The following EPHB6 variants were observed in gnomAD, a reference collection of about 807,000 sequenced individuals.
EPHB6 encodes EPH receptor B6, also known as ephrin type-B receptor 6.
EPHB6 carries 51 observed loss-of-function variants against 107.0 expected under a neutral mutation model. That is an observed-to-expected ratio of 0.48 (90% CI 0.38 to 0.60). EPHB6 has a LOEUF of 0.60. Ranked by LOEUF, EPHB6 falls within the 20% of genes least tolerant of loss-of-function variation. The pLI, the probability that EPHB6 is intolerant of heterozygous loss-of-function variation, is 0.00. For synonymous variants in EPHB6, 553 were observed against 549.0 expected, an observed-to-expected ratio of 1.01 and a Z score of -0.10; for missense variants, 1,141 against 1,355.5, an observed-to-expected ratio of 0.84 and a Z score of 2.48.
Position 142,867,574 on chromosome 7 carries a change from G to A in EPHB6, c.1751-34G>A, listed in dbSNP as rs773638061. On this transcript the variant is annotated intron_variant, in intron 11 of 19. Coordinates refer to ENST00000652003, the MANE Select transcript of EPHB6 (RefSeq NM_004445.6). This position sits in a 1 kb window ranked among gnomAD's most constrained non-coding sequence, Gnocchi z 5.3. ...ATGAACAAGCACCTGTGAGAGACCT[G>A]GCCCACCTGTGACCCTGTCGGCTGG... 3 of 1,577,060 alleles carry A rather than the reference G, an allele frequency of 1.9e-6. No individual in the cohort carries two copies. In the African/African-American group the frequency reaches 4.0e-5, roughly 21 times the overall value.
rs1364616319 is a variant in EPHB6, at chr7:142,867,206, G to A, written c.1750+138G>A. The A allele has an allele frequency of 9.0e-7, 1 of 1,114,394 alleles. No homozygotes were observed. The highest frequency in any genetic ancestry group is 1.6e-5 in the African/African-American group (1 of 63,450). 69.0% of individuals were successfully genotyped at this position (1,114,394 alleles called of 1,614,324 possible). A position where few individuals can be genotyped will look rare whatever the true frequency, so the allele number is the denominator to read the frequency against. On this transcript the variant is annotated intron_variant, in intron 11 of 19. Transcript: ENST00000652003. This position sits in a 1 kb window ranked among gnomAD's most constrained non-coding sequence, Gnocchi z 5.3. The stretch of plus-strand genomic sequence containing the variant: ...TCTGTGGGAAAGGAGAGTGCCTTTT[G>A]CTCAGCAGCTGACCTAGGGGCTACT...
intron 6 of EPHB6, 46 bp downstream of exon 6, chr7:142,863,741 C>A (rs369658537): frequency 1.5e-5 from 24 of 1,596,520 alleles, no homozygotes; most frequent in Non-Finnish European, 2.0e-5. Flanking sequence ...GGCCCTGCCC[C>A]TCCCTGTTCC....
chr7:142,865,702 C>T, intron 8 of EPHB6, 72 bp downstream of exon 8: 2 of 1,573,654 alleles, frequency 1.3e-6, no homozygotes, highest in Admixed American at 1.8e-5. Flanking sequence ...TAGCAGGCAA[C>T]ACTGGGGGCT....
At chr7:142,863,007 G>A (rs1470665328) in intron 4 of EPHB6, 120 bp from the exon 5 acceptor site, 8 of 588,650 alleles carry the variant, frequency 1.4e-5, no homozygotes, top group African/African-American at 1.3e-4. Flanking sequence ...GGTGGGTGCT[G>A]GGGCGATTGG....
Position 142,865,953 on chromosome 7 carries a change from C to T in EPHB6, c.1106-7C>T. On this transcript the variant is annotated splice_region_variant and splice_polypyrimidine_tract_variant and intron_variant, in intron 8 of 19. Coordinates refer to ENST00000652003, the MANE Select transcript of EPHB6 (RefSeq NM_004445.6). The stretch of plus-strand genomic sequence containing the variant: ...CCCTTGGACTGCCATATCCTCCGGC[C>T]CCCCAGGTCCTCCATCGGCTCCCCA... 6.2e-7 allele frequency: 1 copy of T among 1,613,580 alleles called. No individual in the cohort carries two copies. The highest frequency in any genetic ancestry group is 8.5e-7 in the Non-Finnish European group (1 of 1,179,890).
chr7:142,864,839 A>G, intron 7 of EPHB6, 90 bp downstream of exon 7: 3 of 1,509,144 alleles, frequency 2.0e-6, no homozygotes, highest in Non-Finnish European at 2.7e-6. Flanking sequence ...AATTCATTTT[A>G]TCTGCAAAAG....
Position 142,866,856 on chromosome 7 carries a change from A to C in EPHB6, c.1588-50A>C, listed in dbSNP as rs779966951. The stretch of plus-strand genomic sequence containing the variant: ...GGTGGCTGGGGGCCTTAGGGGCAGA[A>C]GCAGGGGCAAGAGGGGGCCAGGCAG... On this transcript the variant is annotated intron_variant, in intron 10 of 19. Transcript: ENST00000652003. This position sits in a 1 kb window ranked among gnomAD's most constrained non-coding sequence, Gnocchi z 5.2. The C allele has an allele frequency of 2.7e-5, 44 of 1,613,638 alleles. No homozygotes were observed. In the East Asian group the frequency reaches 9.6e-4, roughly 35 times the overall value.
chr7:142,864,305 TCC>T lies in EPHB6; in HGVS notation c.506_507del (p.Ser169PhefsTer155). 6.2e-7 allele frequency: 1 copy of T among 1,611,382 alleles called. No homozygotes were observed. The highest frequency in any genetic ancestry group is 8.5e-7 in the Non-Finnish European group (1 of 1,178,468). Reference protein sequence around the residue: ...AADESFPSSSSSSSSSSSSAA... With the variant: ...AADESFPSSSXSSSSSSSSAA... ...AGACGAGAGCTTTCCCTCCTCCTCC[TCC>T]TCCTCCTCCTCCTCTTCTTCCTCTG... On this transcript the variant is annotated frameshift_variant, in exon 7 of 20. Coordinates refer to ENST00000652003, the MANE Select transcript of EPHB6 (RefSeq NM_004445.6). LOFTEE classifies it high-confidence loss of function.
In EPHB6 at chr7:142,867,691, G is replaced by A. The variant is rs2116460382; in HGVS notation, c.1834G>A (p.Ala612Thr). Reference sequence around the variant, plus strand: ...GGCTTTGGCCTTCCTCCTGCTGGCAGCCATCACCGTGCTGGCGGTCGTCTT... The same window carrying A: ...GGCTTTGGCCTTCCTCCTGCTGGCAACCATCACCGTGCTGGCGGTCGTCTT... ...LGALAFLLLAAITVLAVVFQR... is the reference protein window; with the variant it reads ...LGALAFLLLATITVLAVVFQR... Residue 612 changes from alanine to threonine, a missense_variant, in exon 12 of 20, where the codon GCC becomes ACC. Coordinates refer to ENST00000652003, the MANE Select transcript of EPHB6 (RefSeq NM_004445.6). This position sits in a 1 kb window ranked among gnomAD's most constrained non-coding sequence, Gnocchi z 5.3. 6.2e-7 allele frequency: 1 copy of A among 1,613,152 alleles called. No individual in the cohort carries two copies. Among genetic ancestry groups the A allele is most frequent in the Non-Finnish European group, 8.5e-7 (1 of 1,179,888 alleles).
Position 142,867,970 on chromosome 7 carries a change from A to T in EPHB6, c.1866-27A>T, listed in dbSNP as rs1363670669. 4.5e-6 allele frequency: 7 copies of T among 1,559,722 alleles called. No homozygotes were observed. The South Asian group carries it at 8.2e-5, about 18-fold the overall frequency. ...GCAAGGGGGTGGAAATGGGAGCGTC[A>T]TCCCCAGTCACCGTTTTGTTCCTCA... On this transcript the variant is annotated intron_variant, in intron 12 of 19. Transcript: ENST00000652003. This position sits in a 1 kb window ranked among gnomAD's most constrained non-coding sequence, Gnocchi z 5.3.
Position 142,866,401 on chromosome 7 carries a change from A to G in EPHB6, c.1463-80A>G. 1 of 1,611,322 alleles carries G rather than the reference A, an allele frequency of 6.2e-7. No homozygotes were observed. The highest frequency in any genetic ancestry group is 8.5e-7 in the Non-Finnish European group (1 of 1,179,336). On this transcript the variant is annotated intron_variant, in intron 9 of 19. Coordinates refer to ENST00000652003, the MANE Select transcript of EPHB6 (RefSeq NM_004445.6). This position sits in a 1 kb window ranked among gnomAD's most constrained non-coding sequence, Gnocchi z 5.2. ...CTACTCCTGATCTCCAGCCTGGTCC[A>G]CCCCTGCCGCCCTCCCCTCAAGGCT...
At chr7:142,856,356 C>T (rs534683148) in intron 1 of EPHB6, among the ~76,000 whole-genome samples, 1 of 152,260 alleles carries the variant, frequency 6.6e-6, no homozygotes, top group East Asian at 1.9e-4. Context: ...CCTTTTTTCT[C>T]AAAGGAAGAT....
In EPHB6 at chr7:142,867,974, CCA is replaced by C. The variant is rs762303310; in HGVS notation, c.1866-22_1866-21del. 25 of 1,561,916 alleles carry C rather than the reference CCA, an allele frequency of 1.6e-5. 1 individual carries two copies. In the South Asian group the frequency reaches 2.7e-4, roughly 17 times the overall value. On this transcript the variant is annotated intron_variant, in intron 12 of 19. Coordinates refer to ENST00000652003, the MANE Select transcript of EPHB6 (RefSeq NM_004445.6). This position sits in a 1 kb window ranked among gnomAD's most constrained non-coding sequence, Gnocchi z 5.3. Reference sequence around the variant, plus strand: ...GGGGGTGGAAATGGGAGCGTCATCCCCAGTCACCGTTTTGTTCCTCAGGAAGC... The same window carrying C: ...GGGGGTGGAAATGGGAGCGTCATCCCGTCACCGTTTTGTTCCTCAGGAAGC...
Position 142,870,416 on chromosome 7 carries a change from C to A in EPHB6, c.2804+9C>A, listed in dbSNP as rs763189589. On this transcript the variant is annotated intron_variant, in intron 18 of 19. Coordinates refer to ENST00000652003, the MANE Select transcript of EPHB6 (RefSeq NM_004445.6). Reference sequence around the variant, plus strand: ...GGGGACCCAGGGGAAAGGTCTGGAGCTTGGGGCTAGAGCCTGGGAAAGCCA... The same window carrying A: ...GGGGACCCAGGGGAAAGGTCTGGAGATTGGGGCTAGAGCCTGGGAAAGCCA... 1 of 1,613,978 alleles carries A rather than the reference C, an allele frequency of 6.2e-7. No homozygotes were observed. The highest frequency in any genetic ancestry group is 2.2e-5 in the East Asian group (1 of 44,876).
At position 142,867,546 on chromosome 7, in the gene EPHB6, C is replaced by A; in HGVS notation, c.1751-62C>A. 1 of 1,421,774 alleles carries A rather than the reference C, an allele frequency of 7.0e-7. No individual in the cohort carries two copies. The allele number at this position is 1,421,774 out of a possible 1,614,324, so 88.1% of individuals were successfully genotyped here. A position where few individuals can be genotyped will look rare whatever the true frequency, so the allele number is the denominator to read the frequency against. On this transcript the variant is annotated intron_variant, in intron 11 of 19. Transcript: ENST00000652003. This position sits in a 1 kb window ranked among gnomAD's most constrained non-coding sequence, Gnocchi z 5.3. ...CCTGTGGTGTGTGTGGGTGCCTGGG[C>A]ACATGAACAAGCACCTGTGAGAGAC... is the stretch of plus-strand genomic sequence containing the variant.
Position 142,867,698 on chromosome 7 carries a change from C to T in EPHB6, c.1841C>T (p.Thr614Ile), listed in dbSNP as rs1356281637. The T allele has an allele frequency of 6.2e-7, 1 of 1,612,914 alleles. No individual in the cohort carries two copies. Among genetic ancestry groups the T allele is most frequent in the Non-Finnish European group, 8.5e-7 (1 of 1,179,844 alleles). ...ALAFLLLAAI[T>I]VLAVVFQRKR... ...GCCTTCCTCCTGCTGGCAGCCATCACCGTGCTGGCGGTCGTCTTCCAGCGG... is the reference window on the plus strand; with the variant it reads ...GCCTTCCTCCTGCTGGCAGCCATCATCGTGCTGGCGGTCGTCTTCCAGCGG... The change falls in exon 12 of 20, where the codon ACC becomes ATC. Residue 614 changes from threonine to isoleucine, a missense_variant. Thr to Ile is a moderately conservative substitution (Grantham distance 89). Coordinates refer to ENST00000652003, the MANE Select transcript of EPHB6 (RefSeq NM_004445.6). The surrounding 1 kb of genome is among the most constrained non-coding windows in gnomAD (Gnocchi z 5.3).
Position 142,865,971 on chromosome 7 carries a change from G to T in EPHB6, c.1117G>T (p.Ala373Ser), listed in dbSNP as rs1297034013. 6.2e-7 allele frequency: 1 copy of T among 1,613,878 alleles called. No homozygotes were observed. The highest frequency in any genetic ancestry group is 8.5e-7 in the Non-Finnish European group (1 of 1,180,014). The change falls in exon 9 of 20, where the codon GCT (alanine) becomes TCT (serine). Residue 373 changes from alanine to serine, a missense_variant. Physicochemically the swap from Ala to Ser is moderately conservative, Grantham distance 99. Transcript: ENST00000652003. The stretch of plus-strand genomic sequence containing the variant: ...CTCCGGCCCCCCAGGTCCTCCATCG[G>T]CTCCCCAGGAGCTTTGGTTTGAGGT... The part of the protein sequence containing the change: ...PEAPCTGPPS[A>S]PQELWFEVQG...
chr7:142,868,617 G>T lies in EPHB6; in HGVS notation c.2164G>T (p.Ala722Ser), dbSNP rs370383805. 2 of 1,613,784 alleles carry T rather than the reference G, an allele frequency of 1.2e-6. No homozygotes were observed. Among genetic ancestry groups the T allele is most frequent in the African/African-American group, 1.3e-5 (1 of 75,066 alleles). Reference sequence around the variant, plus strand: ...GCAGATGACCTTCCTGGGCCGGGCCGCAGTGCTGGGTCAGTTCCAGCACCC... The same window carrying T: ...GCAGATGACCTTCCTGGGCCGGGCCTCAGTGCTGGGTCAGTTCCAGCACCC... ...SLQMTFLGRA[A>S]VLGQFQHPNI... The change falls in exon 15 of 20, where the codon GCA becomes TCA. Residue 722 changes from alanine (A) to serine (S), a missense_variant. Ala to Ser is a moderately conservative substitution (Grantham distance 99). Transcript: ENST00000652003. This position sits in a 1 kb window ranked among gnomAD's most constrained non-coding sequence, Gnocchi z 4.2.
intron 3 of EPHB6, 99 bp from the exon 4 acceptor site, chr7:142,862,657 G>T: frequency 6.5e-6 from 1 of 152,840 alleles, no homozygotes. Context: ...GTCCATCGGG[G>T]GTGGGGCGGT....
Sources: allele counts gnomAD v4.1 joint callset (sites outside exome capture counted in the v4.1 genomes callset), GRCh38; gene constraint gnomAD v4.1.1; non-coding constraint Gnocchi (gnomAD v3.1); transcripts MANE v1.5; gene names NCBI Gene and HGNC (gene_info 2026-07-23, HGNC 2026-07-21).